The following SLC36A3 variants were observed in gnomAD, a reference collection of about 807,000 sequenced individuals.
SLC36A3 encodes the protein proton-coupled amino acid transporter 3.
SLC36A3 carries 35 observed loss-of-function variants against 44.3 expected under a neutral mutation model. That is an observed-to-expected ratio of 0.79 (90% CI 0.60 to 1.05). The LOEUF (loss-of-function observed/expected upper bound fraction) is 1.05. Among genes scored for constraint, SLC36A3 ranks in the 50% least tolerant of loss-of-function variants. The probability of loss-of-function intolerance (pLI) is 0.00; values close to 1 mark genes in which losing one functional copy is unlikely to be tolerated. For missense variants in SLC36A3, 540 were observed against 578.7 expected, an observed-to-expected ratio of 0.93 and a Z score of 0.69; for synonymous variants, 211 against 227.6, an observed-to-expected ratio of 0.93 and a Z score of 0.66.
intron 6 of SLC36A3, 106 bp downstream of exon 6, chr5:151,287,140 G>T: frequency 8.8e-7 from 1 of 1,141,928 alleles, no homozygotes; most frequent in Non-Finnish European, 1.2e-6. Flanking sequence ...GCTCAGAGCA[G>T]AGGATCACCT....
rs1755237618 is a variant in SLC36A3, at chr5:151,303,549, A to G, written c.-195T>C. 9.7e-6 allele frequency: 5 copies of G among 514,938 alleles called. No homozygotes were observed. The highest frequency in any genetic ancestry group is 7.1e-5 in the Admixed American group (2 of 28,286). The allele number at this position is 514,938 out of a possible 1,614,324, so 31.9% of individuals were successfully genotyped here. On this transcript the variant is annotated 5_prime_UTR_variant, in exon 1 of 10. Coordinates refer to ENST00000335230, the MANE Select transcript of SLC36A3 (RefSeq NM_181774.4). ...GTGGCAGGAGAGGCTGATGTTGATG[A>G]TGCCTCACCTGGCTCTTGGGGGACT... is the stretch of plus-strand genomic sequence containing the variant.
At chr5:151,302,807 T>C (rs1433457124) in intron 1 of SLC36A3, among the ~76,000 whole-genome samples, 2 of 150,694 alleles carry the variant, frequency 1.3e-5, no homozygotes, top group African/African-American at 2.4e-5. Flanking sequence ...GCAGTAAAGG[T>C]GGAGACATGG....
At chr5:151,298,412 C>T in intron 2 of SLC36A3, 181 bp downstream of exon 2, 2 of 597,194 alleles carry the variant, frequency 3.3e-6, no homozygotes, top group Non-Finnish European at 6.0e-6. Context: ...TGGTGTGCCC[C>T]CTTCAGGGAT....
Position 151,284,181 on chromosome 5 carries a change from A to T in SLC36A3, c.837T>A (p.His279Gln), listed in dbSNP as rs772970420. The change falls in exon 8 of 10, where the codon CAT (histidine) becomes CAA (glutamine). Residue 279 changes from histidine (H) to glutamine (Q), a missense_variant. Physicochemically the swap from His to Gln is conservative, Grantham distance 24 (BLOSUM62 0). Transcript: ENST00000335230. ...ACAGAACAAAAGAAAACTGCTGTGGATGCTTCATCTGGTTTTTGAGAGGCA... is the reference window on the plus strand; with the variant it reads ...ACAGAACAAAAGAAAACTGCTGTGGTTGCTTCATCTGGTTTTTGAGAGGCA... ...MVLPLKNQMK[H>Q]PQQFSFVLYL... The T allele has an allele frequency of 1.9e-6, 3 of 1,611,222 alleles. No individual in the cohort carries two copies. The highest frequency in any genetic ancestry group is 1.6e-4 in the Middle Eastern group (1 of 6,074).
chr5:151,281,009 C>T lies in SLC36A3; in HGVS notation c.1144+5G>A, dbSNP rs1754293093. 1.2e-6 allele frequency: 2 copies of T among 1,614,084 alleles called. No homozygotes were observed. Among genetic ancestry groups the T allele is most frequent in the Non-Finnish European group, 1.7e-6 (2 of 1,179,982 alleles). ...GGGTAAAGAGTGCCCTTTTATGCTA[C>T]TCACAGGTTAGACAGACCAAGGCTG... On this transcript the variant is annotated splice_donor_5th_base_variant and intron_variant, in intron 9 of 9. Coordinates refer to ENST00000335230, the MANE Select transcript of SLC36A3 (RefSeq NM_181774.4).
At chr5:151,288,584 T>C (rs1754634022) in intron 4 of SLC36A3, 114 bp from the exon 5 acceptor site, 1 of 925,036 alleles carries the variant, frequency 1.1e-6, no homozygotes. Flanking sequence ...AAAATTTCCC[T>C]ACTTTCTTTT....
At chr5:151,285,696 AGATGATCCTG>A (rs58693754) in intron 6 of SLC36A3, among the ~76,000 whole-genome samples, 24,578 of 152,120 alleles carry the variant, frequency 0.16, 2,344 homozygotes, top group East Asian at 0.44. Flanking sequence ...TAAAACAAGG[AGATGATCCTG>A]GATTATTCGG....
At chr5:151,284,485 T>C in intron 7 of SLC36A3, 128 bp downstream of exon 7, 1 of 764,636 alleles carries the variant, frequency 1.3e-6, no homozygotes, top group South Asian at 2.0e-5. Flanking sequence ...GGTACAGACT[T>C]TCCCTTCACC....
intron 4 of SLC36A3, among the ~76,000 whole-genome samples, chr5:151,292,127 C>T (rs1467851232): frequency 6.6e-6 from 1 of 152,138 alleles, no homozygotes; most frequent in South Asian, 2.1e-4. Context: ...TCCCAAAGTG[C>T]TGGGATTACA....
chr5:151,296,054 G>A (rs543232841), intron 3 of SLC36A3, 126 bp downstream of exon 3: 4 of 845,962 alleles, frequency 4.7e-6, no homozygotes, highest in South Asian at 2.9e-5. Context: ...TGCCTTCATA[G>A]AATCCAGATT....
At position 151,293,467 on chromosome 5, in the gene SLC36A3, G is replaced by T; in HGVS notation, c.309-8C>A. The T allele has an allele frequency of 6.2e-7, 1 of 1,606,618 alleles. No homozygotes were observed. Among genetic ancestry groups the T allele is most frequent in the Non-Finnish European group, 8.5e-7 (1 of 1,175,586 alleles). On this transcript the variant is annotated splice_region_variant and splice_polypyrimidine_tract_variant and intron_variant, in intron 3 of 9. Transcript: ENST00000335230. ...ACAAAAGTCTTCTGCAGTCTAGGGGGAAAGAACAAACAATGCATAATTTAA... is the reference window on the plus strand; with the variant it reads ...ACAAAAGTCTTCTGCAGTCTAGGGGTAAAGAACAAACAATGCATAATTTAA...
intron 3 of SLC36A3, among the ~76,000 whole-genome samples, chr5:151,293,936 T>C (rs545646894): frequency 6.6e-6 from 1 of 152,384 alleles, no homozygotes; most frequent in South Asian, 2.1e-4. Context: ...TTCCAGCCTA[T>C]TCCTCTTGCC....
rs1306170233 is a variant in SLC36A3, at chr5:151,299,254, CTCTCTCTCTCTATATA to C, written c.129-587_129-572del. 7.7e-3 allele frequency among the ~76,000 whole-genome samples: 668 copies of C among 87,084 alleles called. 1 individual carries two copies. The highest frequency in any genetic ancestry group is 0.016 in the South Asian group (36 of 2,298). 57.1% of individuals were successfully genotyped at this position (87,084 alleles called of 152,430 possible). ...TCTCTCTCTCTCTCTCTCTCTCTCT[CTCTCTCTCTCTATATA>C]TATATATATATATATATATATGAAA... On this transcript the variant is annotated intron_variant, in intron 1 of 9. Transcript: ENST00000335230.
rs1007072264 is a variant in SLC36A3 at position 151,276,449 on chromosome 5, T to C, written c.*944A>G. On this transcript the variant is annotated 3_prime_UTR_variant, in exon 10 of 10. Transcript: ENST00000335230. ...TCAACAGTTTGTTTCTGTTCCTTGC[T>C]GAGGAATATTCCATTGTATGGCTAC... Among the ~76,000 whole-genome samples the C allele has an allele frequency of 2.0e-5, 3 of 152,272 alleles. No homozygotes were observed. Among genetic ancestry groups the C allele is most frequent in the African/African-American group, 7.2e-5 (3 of 41,478 alleles).
Position 151,296,043 on chromosome 5 carries a change from T to A in SLC36A3, c.308+137A>T, listed in dbSNP as rs1425566785. On this transcript the variant is annotated intron_variant, in intron 3 of 9. Transcript: ENST00000335230. ...ACTGGGACTCTCTGTCATGCTCTCCTTGCCTTCATAGAATCCAGATTGGTA... is the reference window on the plus strand; with the variant it reads ...ACTGGGACTCTCTGTCATGCTCTCCATGCCTTCATAGAATCCAGATTGGTA... 3 of 779,750 alleles carry A rather than the reference T, an allele frequency of 3.8e-6. No individual in the cohort carries two copies. The African/African-American group carries it at 5.3e-5, about 14-fold the overall frequency. 48.3% of individuals were successfully genotyped at this position (779,750 alleles called of 1,614,324 possible). A position where few individuals can be genotyped will look rare whatever the true frequency, so the allele number is the denominator to read the frequency against.
In SLC36A3 at chr5:151,288,241, T is replaced by C. The variant is rs1396379481; in HGVS notation, c.489+145A>G. On this transcript the variant is annotated intron_variant, in intron 5 of 9. Transcript: ENST00000335230. ...CCTTTCAAAATGTGATTCCCAGGAC[T>C]GAGAGAGCTCCCAAGCGTGGTCTGA... The C allele has an allele frequency of 2.8e-5, 13 of 461,230 alleles. No individual in the cohort carries two copies. In the Admixed American group the frequency reaches 3.8e-4, roughly 14 times the overall value. 28.6% of individuals were successfully genotyped at this position (461,230 alleles called of 1,614,324 possible). A position where few individuals can be genotyped will look rare whatever the true frequency, so the allele number is the denominator to read the frequency against.
chr5:151,277,523 G>T lies in SLC36A3; in HGVS notation c.1283C>A (p.Thr428Asn), dbSNP rs1240785042. 6.2e-7 allele frequency: 1 copy of T among 1,614,214 alleles called. No homozygotes were observed. Among genetic ancestry groups the T allele is most frequent in the Admixed American group, 1.7e-5 (1 of 60,022 alleles). The change falls in exon 10 of 10, where the codon ACC becomes AAC. Residue 428 changes from threonine (T) to asparagine (N), a missense_variant. By Grantham distance (65) the Thr-to-Asn change is moderately conservative. Coordinates refer to ENST00000335230, the MANE Select transcript of SLC36A3 (RefSeq NM_181774.4). ...IFYSEDMSCV[T>N]IAKDIMISIV... ...GCTAATCATGATGTCCTTGGCAATGGTGACACAGCTCATGTCCTCAGAGTA... is the reference window on the plus strand; with the variant it reads ...GCTAATCATGATGTCCTTGGCAATGTTGACACAGCTCATGTCCTCAGAGTA...
chr5:151,286,096 G>A (rs1754525803), intron 6 of SLC36A3, among the ~76,000 whole-genome samples: 1 of 152,164 alleles, frequency 6.6e-6, no homozygotes, highest in Non-Finnish European at 1.5e-5. Context: ...CTGTGATAAT[G>A]GAGCATGGAC....
Position 151,303,256 on chromosome 5 carries a change from A to G in SLC36A3, c.99T>C (p.Asn33=), listed in dbSNP as rs751212790. Residue 33 remains asparagine (N), a synonymous_variant, in exon 1 of 10, where the codon AAT becomes AAC. Coordinates refer to ENST00000335230, the MANE Select transcript of SLC36A3 (RefSeq NM_181774.4). ...GTCCAGCTTCTCCAGCAGGATGGAC[A>G]TTCTCTGAAGTAATGCTACTGCTGC... ...SESSSSITSE[N]VHPAGEAGLS... 27 of 1,614,024 alleles carry G rather than the reference A, an allele frequency of 1.7e-5. No homozygotes were observed. Among genetic ancestry groups the G allele is most frequent in the African/African-American group, 2.7e-5 (2 of 75,066 alleles).
Sources: allele counts gnomAD v4.1 joint callset (sites outside exome capture counted in the v4.1 genomes callset), GRCh38; gene constraint gnomAD v4.1.1; transcripts MANE v1.5; gene names NCBI Gene and HGNC (gene_info 2026-07-23, HGNC 2026-07-21).